KAZN: variants seen among roughly 807,000 people sequenced by gnomAD.
KAZN encodes the protein kazrin.
A neutral mutation model predicts 87.4 loss-of-function variants in KAZN; 40 were observed. That is an observed-to-expected ratio of 0.46 (90% CI 0.36 to 0.60). KAZN has a LOEUF of 0.60. KAZN is among the 20% of genes least tolerant of loss of function. The pLI, the probability that KAZN is intolerant of heterozygous loss-of-function variation, is 0.00. For missense variants in KAZN, 898 were observed against 1,073.9 expected, an observed-to-expected ratio of 0.84 and a Z score of 2.29; for synonymous variants, 466 against 458.3, an observed-to-expected ratio of 1.02 and a Z score of -0.22.
At chr1:14,551,445 C>G (rs1210325495) in intron 2 of KAZN, among the ~76,000 whole-genome samples, 2 of 152,178 alleles carry the variant, frequency 1.3e-5, no homozygotes, top group African/African-American at 2.4e-5. Context: ...CGGGACAAAT[C>G]TAATATTCTG....
chr1:14,406,109 G>T (rs10927426), intron 2 of KAZN, among the ~76,000 whole-genome samples: 17,849 of 152,104 alleles, frequency 0.12, 1,237 homozygotes, highest in East Asian at 0.23. Flanking sequence ...TAATTGGCTT[G>T]TTTGTAACTC....
At chr1:14,325,392 T>G (rs1656337932) in intron 2 of KAZN, among the ~76,000 whole-genome samples, 2 of 152,176 alleles carry the variant, frequency 1.3e-5, no homozygotes, top group South Asian at 4.1e-4. Context: ...TTATTCCATG[T>G]TTAGACTATT....
At chr1:14,277,746 T>C (rs951923724) in intron 2 of KAZN, among the ~76,000 whole-genome samples, 2 of 151,910 alleles carry the variant, frequency 1.3e-5, no homozygotes, top group Non-Finnish European at 2.9e-5. Flanking sequence ...TATTAACTCA[T>C]AGTCAGTTTT....
intron 2 of KAZN, among the ~76,000 whole-genome samples, chr1:14,527,574 G>T (rs999416925): frequency 6.6e-6 from 1 of 150,968 alleles, no homozygotes; most frequent in Non-Finnish European, 1.5e-5. Context: ...AACGATACAG[G>T]TTTATCTGGC....
intron 1 of KAZN, among the ~76,000 whole-genome samples, chr1:14,146,728 C>T (rs12132752): frequency 0.068 from 9,915 of 146,862 alleles, 484 homozygotes; most frequent in Non-Finnish European, 0.099. Flanking sequence ...AAAAAGAATG[C>T]TGGGAGTGAC....
chr1:14,759,269 G>A (rs10927532), intron 1 of KAZN, among the ~76,000 whole-genome samples: 1,924 of 152,278 alleles, frequency 0.013, 45 homozygotes, highest in African/African-American at 0.043. Context: ...GCTTGTCACC[G>A]TGAGAGCATC....
At chr1:14,237,349 G>A (rs1648519930) in intron 2 of KAZN, among the ~76,000 whole-genome samples, 1 of 152,196 alleles carries the variant, frequency 6.6e-6, no homozygotes. Context: ...GCAAGGCCCA[G>A]CTGGCCCCTG....
At chr1:13,964,994 G>A (rs1052220306) in intron 1 of KAZN, among the ~76,000 whole-genome samples, 1 of 152,112 alleles carries the variant, frequency 6.6e-6, no homozygotes, top group African/African-American at 2.4e-5. Context: ...CATGGCTAGA[G>A]CAAAGGCCCT....
At chr1:14,409,374 C>G (rs1436642981) in intron 2 of KAZN, among the ~76,000 whole-genome samples, 1 of 152,132 alleles carries the variant, frequency 6.6e-6, no homozygotes, top group African/African-American at 2.4e-5. Context: ...ATTAACCACG[C>G]CATGAAAGGT....
At chr1:14,489,863 G>A (rs1669557691) in intron 2 of KAZN, among the ~76,000 whole-genome samples, 1 of 151,864 alleles carries the variant, frequency 6.6e-6, no homozygotes. Flanking sequence ...GAATTTCAAT[G>A]TTCATTTCTC....
intron 2 of KAZN, among the ~76,000 whole-genome samples, chr1:14,218,710 T>G (rs1373652588): frequency 6.6e-6 from 1 of 152,150 alleles, no homozygotes; most frequent in South Asian, 2.1e-4. Flanking sequence ...TAACCACTTA[T>G]TTTTTAAACT....
At chr1:14,195,133 A>G (rs985199668) in intron 2 of KAZN, among the ~76,000 whole-genome samples, 8 of 152,106 alleles carry the variant, frequency 5.3e-5, no homozygotes, top group African/African-American at 1.7e-4. Context: ...GAAAAAATAT[A>G]TTTTTTTAAA....
At chr1:14,056,811 A>G (rs1163791465) in intron 1 of KAZN, among the ~76,000 whole-genome samples, 1 of 152,148 alleles carries the variant, frequency 6.6e-6, no homozygotes, top group Non-Finnish European at 1.5e-5. Context: ...CAAACTGACT[A>G]TGGCCTCGCT....
intron 1 of KAZN, among the ~76,000 whole-genome samples, chr1:14,164,474 G>GTGTGTA (rs1553137955): frequency 3.0e-4 from 45 of 150,598 alleles, no homozygotes; most frequent in African/African-American, 1.1e-3. Flanking sequence ...GTGTGTGTGT[G>GTGTGTA]TGTGTGTTTG....
chr1:14,993,433 C>T (rs1277668494), intron 2 of KAZN, among the ~76,000 whole-genome samples: 1 of 151,844 alleles, frequency 6.6e-6, no homozygotes, highest in Non-Finnish European at 1.5e-5. Flanking sequence ...CACGCCATTG[C>T]ACTCCAGCCT....
chr1:14,389,238 C>T (rs563046443), intron 2 of KAZN, among the ~76,000 whole-genome samples: 8 of 152,110 alleles, frequency 5.3e-5, no homozygotes, highest in African/African-American at 1.9e-4. Flanking sequence ...AAGGAACCCT[C>T]GTACATTGTA....
At chr1:14,322,722 G>A (rs1656131602) in intron 2 of KAZN, among the ~76,000 whole-genome samples, 1 of 152,182 alleles carries the variant, frequency 6.6e-6, no homozygotes, top group Admixed American at 6.5e-5. Flanking sequence ...AGGAGTTGAT[G>A]CCTTTTTAAC....
At chr1:14,661,770 G>C (rs1419852879) in intron 1 of KAZN, among the ~76,000 whole-genome samples, 4 of 152,104 alleles carry the variant, frequency 2.6e-5, no homozygotes, top group African/African-American at 9.7e-5. Flanking sequence ...GTAAAAATTA[G>C]CTGAGCATGG....
intron 4 of KAZN, among the ~76,000 whole-genome samples, chr1:15,051,723 G>C (rs951893685): frequency 1.3e-5 from 2 of 152,134 alleles, no homozygotes; most frequent in African/African-American, 4.8e-5. Context: ...TCCAGACAGA[G>C]CCCAAGCTCC....
Sources: gnomAD v4.1 joint callset for allele counts (sites outside exome capture counted in the v4.1 genomes callset) on GRCh38, gnomAD v4.1.1 for gene constraint, MANE v1.5 for transcripts, NCBI Gene and HGNC (gene_info 2026-07-23, HGNC 2026-07-21) for gene names.